The following CFAP44 variants were observed in gnomAD, a reference collection of about 807,000 sequenced individuals.
CFAP44 encodes the protein cilia and flagella associated protein 44.
In CFAP44, 134 loss-of-function variants were observed where a neutral mutation model predicts 216.2. The ratio of observed to expected loss-of-function variants is 0.62; its 90% CI spans 0.54 to 0.72. The LOEUF is 0.72. CFAP44 is among the 30% of genes least tolerant of loss of function. The pLI is 0.00. For synonymous variants in CFAP44, 700 were observed against 727.6 expected (o/e 0.96, Z 0.61); for missense variants, 2,035 against 2,182.1 (o/e 0.93, Z 1.34).
chr3:113,422,480 A>G (rs1051459790), intron 4 of CFAP44, among the ~76,000 whole-genome samples: 2 of 152,240 alleles, frequency 1.3e-5, no homozygotes, highest in African/African-American at 4.8e-5. Flanking sequence ...TGAAAGAGAG[A>G]GATAAAGCAT....
intron 28 of CFAP44, among the ~76,000 whole-genome samples, chr3:113,316,989 C>T (rs1178964158): frequency 1.3e-5 from 2 of 151,966 alleles, no homozygotes; most frequent in Admixed American, 1.3e-4. Flanking sequence ...TTAAAAATGT[C>T]TCCAGAGAGA....
rs1308608231 is a variant in CFAP44, at chr3:113,327,667, G to T, written c.4269C>A (p.Asn1423Lys). Residue 1423 changes from asparagine to lysine, a missense_variant, in exon 27 of 35, where the codon AAC becomes AAA. Asn to Lys is a moderately conservative substitution (Grantham distance 94). Coordinates refer to ENST00000393845, the MANE Select transcript of CFAP44 (RefSeq NM_001164496.2). ...LLLKNFEKQENILQERVNSLD... is the reference protein window; with the variant it reads ...LLLKNFEKQEKILQERVNSLD... ...AGGAATTAACACGTTCTTGAAGTATGTTCTCCTGTTTTTCAAAATTCTTCA... is the reference window on the plus strand; with the variant it reads ...AGGAATTAACACGTTCTTGAAGTATTTTCTCCTGTTTTTCAAAATTCTTCA... 1 of 1,536,940 alleles carries T rather than the reference G, an allele frequency of 6.5e-7. No homozygotes were observed. Among genetic ancestry groups the T allele is most frequent in the Non-Finnish European group, 8.7e-7 (1 of 1,146,688 alleles).
intron 5 of CFAP44, among the ~76,000 whole-genome samples, chr3:113,419,095 C>T (rs1934733862): frequency 1.3e-5 from 2 of 152,184 alleles, no homozygotes; most frequent in African/African-American, 4.8e-5. Flanking sequence ...AATTTTAAAA[C>T]TATTACTGCC....
At chr3:113,309,481 T>C (rs751956940) in intron 28 of CFAP44, among the ~76,000 whole-genome samples, 12 of 152,204 alleles carry the variant, frequency 7.9e-5, no homozygotes, top group Non-Finnish European at 1.3e-4. Flanking sequence ...TTATTGTTTT[T>C]AATAAGTGTC....
At chr3:113,421,191 T>C (rs942565168) in intron 4 of CFAP44, among the ~76,000 whole-genome samples, 23 of 152,052 alleles carry the variant, frequency 1.5e-4, no homozygotes, top group African/African-American at 4.6e-4. Flanking sequence ...AGGACTTCAA[T>C]AGACACTTTT....
In CFAP44 at chr3:113,303,644, C is replaced by T. The variant is rs142809515; in HGVS notation, c.5077+272G>A. On this transcript the variant is annotated intron_variant, in intron 32 of 34. Transcript: ENST00000393845. ...TTCTTTCTTAACCTGGGTAGTCTTGCACTTGGGTTATTATTGTATTATTCT... is the reference window on the plus strand; with the variant it reads ...TTCTTTCTTAACCTGGGTAGTCTTGTACTTGGGTTATTATTGTATTATTCT... Among the ~76,000 whole-genome samples the T allele has an allele frequency of 5.0e-4, 76 of 152,274 alleles. 1 individual carries two copies. Among genetic ancestry groups the T allele is most frequent in the African/African-American group, 1.6e-3 (66 of 41,558 alleles).
intron 12 of CFAP44, 60 bp downstream of exon 12, chr3:113,400,485 T>C: frequency 7.1e-7 from 1 of 1,407,894 alleles, no homozygotes; most frequent in Non-Finnish European, 9.5e-7. Flanking sequence ...CATATAAAAA[T>C]TTTATTGCAA....
chr3:113,326,538 T>C lies in CFAP44; in HGVS notation c.4423A>G (p.Ile1475Val). 1 of 1,532,730 alleles carries C rather than the reference T, an allele frequency of 6.5e-7. No homozygotes were observed. The highest frequency in any genetic ancestry group is 1.2e-5 in the South Asian group (1 of 82,728). 94.9% of individuals were successfully genotyped at this position (1,532,730 alleles called of 1,614,324 possible). Residue 1475 changes from isoleucine (I) to valine (V), a missense_variant, in exon 28 of 35, where the codon ATT (isoleucine) becomes GTT (valine). Transcript: ENST00000393845. The stretch of plus-strand genomic sequence containing the variant: ...TTTGCAAATTTATTGTTTTCTCCAA[T>C]GGCTGCTTGAAAACCAGCATAGAGT... ...KALYAGFQAAIGENNKFANFL... is the reference protein window; with the variant it reads ...KALYAGFQAAVGENNKFANFL...
At chr3:113,341,612 CTTCT>C (rs1212562902) in intron 24 of CFAP44, 128 bp downstream of exon 24, 2 of 1,083,732 alleles carry the variant, frequency 1.8e-6, no homozygotes, top group Non-Finnish European at 2.5e-6. Context: ...ATAATATCTC[CTTCT>C]TTGTTTTTAT....
chr3:113,304,981 T>C (rs1432101259), intron 31 of CFAP44, 55 bp downstream of exon 31: 3 of 1,460,392 alleles, frequency 2.1e-6, no homozygotes, highest in Non-Finnish European at 2.8e-6. Flanking sequence ...TCTGAAAAGC[T>C]TGGGTGTGAT....
At chr3:113,319,170 T>C (rs182306263) in intron 28 of CFAP44, among the ~76,000 whole-genome samples, 2 of 152,190 alleles carry the variant, frequency 1.3e-5, no homozygotes, top group East Asian at 3.9e-4. Flanking sequence ...GAACCAACCA[T>C]CTGTTGTCTT....
At chr3:113,318,394 T>C (rs1213846027) in intron 28 of CFAP44, among the ~76,000 whole-genome samples, 1 of 151,850 alleles carries the variant, frequency 6.6e-6, no homozygotes, top group East Asian at 1.9e-4. Context: ...AAGAAAAAAA[T>C]TAAATGAACC....
rs576767855 is a variant in CFAP44 at position 113,289,548 on chromosome 3, G to A, written c.*2009C>T. The stretch of plus-strand genomic sequence containing the variant: ...CTACAATTACCAAGGGGATGGTATC[G>A]CCTCAAGACCTTTCTCAGAGACCAG... On this transcript the variant is annotated 3_prime_UTR_variant, in exon 35 of 35. Coordinates refer to ENST00000393845, the MANE Select transcript of CFAP44 (RefSeq NM_001164496.2). The A allele has an allele frequency of 3.9e-5, 6 of 152,232 alleles. No homozygotes were observed. Among genetic ancestry groups the A allele is most frequent in the African/African-American group, 1.4e-4 (6 of 41,534 alleles). 9.4% of individuals were successfully genotyped at this position (152,232 alleles called of 1,614,324 possible).
chr3:113,375,166 G>T (rs1360805921), intron 17 of CFAP44, among the ~76,000 whole-genome samples: 3 of 147,192 alleles, frequency 2.0e-5, no homozygotes, highest in African/African-American at 7.7e-5. Flanking sequence ...TGGTTGCCAG[G>T]GGCTGAGAGA....
chr3:113,404,084 AGTAG>A, intron 8 of CFAP44, 68 bp from the exon 9 acceptor site: 1 of 1,392,430 alleles, frequency 7.2e-7, no homozygotes. Context: ...TGCCTCAAAT[AGTAG>A]GTGAAAATTA....
intron 33 of CFAP44, among the ~76,000 whole-genome samples, chr3:113,296,257 G>A (rs1188615873): frequency 6.6e-6 from 1 of 152,066 alleles, no homozygotes; most frequent in African/African-American, 2.4e-5. Flanking sequence ...GTAATCCATG[G>A]TATTCTATAT....
intron 22 of CFAP44, among the ~76,000 whole-genome samples, chr3:113,356,145 A>G (rs1341241514): frequency 6.7e-6 from 1 of 150,024 alleles, no homozygotes; most frequent in Non-Finnish European, 1.5e-5. Flanking sequence ...AAAATGACTA[A>G]TAATAAATAC....
chr3:113,404,206 G>C, intron 8 of CFAP44, 190 bp from the exon 9 acceptor site: 2 of 640,726 alleles, frequency 3.1e-6, no homozygotes. Context: ...ACATTTTGAT[G>C]TATTTCCTTC....
At chr3:113,298,283 G>A (rs1949901336) in intron 32 of CFAP44, among the ~76,000 whole-genome samples, 1 of 152,172 alleles carries the variant, frequency 6.6e-6, no homozygotes, top group African/African-American at 2.4e-5. Context: ...AAAGTCTTCT[G>A]GAACACTCAC....
Sources: allele counts gnomAD v4.1 joint callset (sites outside exome capture counted in the v4.1 genomes callset), GRCh38; gene constraint gnomAD v4.1.1; transcripts MANE v1.5; gene names NCBI Gene and HGNC (gene_info 2026-07-23, HGNC 2026-07-21).